GINS1: variants seen among roughly 807,000 people sequenced by gnomAD.
GINS1 encodes DNA replication complex GINS protein PSF1.
Under a neutral mutation model 34.9 loss-of-function variants are expected in GINS1, and 26 were observed. The ratio of observed to expected loss-of-function variants is 0.74; its 90% CI spans 0.55 to 1.03. The LOEUF (loss-of-function observed/expected upper bound fraction) is 1.03. Ranked by LOEUF, GINS1 falls within the 50% of genes least tolerant of loss-of-function variation. The probability of loss-of-function intolerance (pLI) is 0.00; values close to 1 mark genes in which losing one functional copy is unlikely to be tolerated. For synonymous variants in GINS1, 97 were observed against 84.4 expected, an observed-to-expected ratio of 1.15 and a Z score of -0.82; for missense variants, 235 against 237.9, an observed-to-expected ratio of 0.99 and a Z score of 0.08.
chr20:25,413,890 A>G, intron 2 of GINS1, 36 bp downstream of exon 2: 2 of 1,232,860 alleles, frequency 1.6e-6, no homozygotes, highest in South Asian at 2.4e-5. Flanking sequence ...AAACAATTCA[A>G]TAATTAAGAT....
intron 5 of GINS1, among the ~76,000 whole-genome samples, chr20:25,434,864 G>C (rs971360999): frequency 2.0e-4 from 31 of 152,186 alleles, no homozygotes; most frequent in African/African-American, 7.5e-4. Context: ...TGCATCCTCT[G>C]GAGGGATGAA....
intron 2 of GINS1, 45 bp downstream of exon 2, chr20:25,413,899 A>T (rs1037991419): frequency 8.4e-7 from 1 of 1,185,556 alleles, no homozygotes; most frequent in African/African-American, 1.5e-5. Context: ...AATAATTAAG[A>T]TGTTGAAATT....
chr20:25,438,512 C>CTTTTTTT (rs35305107), intron 5 of GINS1, among the ~76,000 whole-genome samples: 1 of 67,986 alleles, frequency 1.5e-5, no homozygotes. Context: ...AAGAACAACA[C>CTTTTTTT]TTTTTTTTTT....
Position 25,445,903 on chromosome 20 carries a change from A to G in GINS1, c.523-20A>G. 6.7e-7 allele frequency: 1 copy of G among 1,489,508 alleles called. No individual in the cohort carries two copies. The highest frequency in any genetic ancestry group is 2.3e-5 in the East Asian group (1 of 44,316). 92.3% of individuals were successfully genotyped at this position (1,489,508 alleles called of 1,614,324 possible). On this transcript the variant is annotated intron_variant, in intron 6 of 6. Transcript: ENST00000262460. The stretch of plus-strand genomic sequence containing the variant: ...CAATCATTTATTTTACTCTTTCTCC[A>G]TCCCTTCTTGTCCCCTCAGCACTTT...
chr20:25,411,421 A>G (rs1278899861), intron 1 of GINS1: 2 of 152,226 alleles, frequency 1.3e-5, no homozygotes, highest in Non-Finnish European at 2.9e-5. Flanking sequence ...TTGCCAACAC[A>G]TATATTTTGG....
chr20:25,431,904 A>T (rs6076351), intron 5 of GINS1, among the ~76,000 whole-genome samples: 1 of 149,722 alleles, frequency 6.7e-6, no homozygotes, highest in African/African-American at 2.5e-5. Context: ...GTCTCACTGT[A>T]TTTTCCAGGC....
intron 5 of GINS1, among the ~76,000 whole-genome samples, chr20:25,429,793 A>G (rs907433672): frequency 1.3e-5 from 2 of 152,230 alleles, no homozygotes; most frequent in African/African-American, 4.8e-5. Context: ...TTTTTAATTT[A>G]GAATCCTATT....
At position 25,407,727 on chromosome 20, in the gene GINS1, C is replaced by T; in HGVS notation, c.-94C>T. 1.0e-6 allele frequency: 1 copy of T among 965,322 alleles called. No individual in the cohort carries two copies. The highest frequency in any genetic ancestry group is 1.4e-5 in the South Asian group (1 of 73,460). The allele number at this position is 965,322 out of a possible 1,614,324, so 59.8% of individuals were successfully genotyped here. A position where few individuals can be genotyped will look rare whatever the true frequency, so the allele number is the denominator to read the frequency against. On this transcript the variant is annotated 5_prime_UTR_variant, in exon 1 of 7. Transcript: ENST00000262460. ...GAGGCGAGAGCCTGGCGCTGTAGGA[C>T]TAGAACGAAAGGAGTGAGGCGCCGA...
chr20:25,438,660 A>C (rs1212337333), intron 5 of GINS1, among the ~76,000 whole-genome samples: 1 of 150,680 alleles, frequency 6.6e-6, no homozygotes, highest in African/African-American at 2.4e-5. Context: ...TAAAACCTCC[A>C]CCTCCCAGGC....
intron 5 of GINS1, among the ~76,000 whole-genome samples, chr20:25,429,683 G>C (rs2090416464): frequency 6.6e-6 from 1 of 151,232 alleles, no homozygotes; most frequent in South Asian, 2.1e-4. Context: ...CTGTTACTGT[G>C]CTGAATTCAT....
chr20:25,431,156 A>C (rs1468432248), intron 5 of GINS1, among the ~76,000 whole-genome samples: 2 of 152,108 alleles, frequency 1.3e-5, no homozygotes, highest in Non-Finnish European at 2.9e-5. Flanking sequence ...TGTTTCTGGG[A>C]ATTTGTCCAT....
chr20:25,420,147 T>C (rs2146199287), intron 4 of GINS1, among the ~76,000 whole-genome samples: 1 of 152,154 alleles, frequency 6.6e-6, no homozygotes, highest in East Asian at 1.9e-4. Flanking sequence ...TATATATATT[T>C]TTTTGAGATG....
intron 1 of GINS1, chr20:25,411,010 A>G (rs1190007639): frequency 6.6e-6 from 1 of 152,074 alleles, no homozygotes; most frequent in Non-Finnish European, 1.5e-5. Flanking sequence ...ATGGTGGCTC[A>G]TGCCTGTAAT....
In GINS1 at chr20:25,417,214, A is replaced by G; in HGVS notation, c.239+12A>G. 1 of 1,394,912 alleles carries G rather than the reference A, an allele frequency of 7.2e-7. No homozygotes were observed. The allele number at this position is 1,394,912 out of a possible 1,614,324, so 86.4% of individuals were successfully genotyped here. A position where few individuals can be genotyped will look rare whatever the true frequency, so the allele number is the denominator to read the frequency against. ...ACTGTAGCATACCTGTAAGCTTCTC[A>G]GTTTTTGCTTGGGGTGGCAGGATTT... On this transcript the variant is annotated intron_variant, in intron 3 of 6. Coordinates refer to ENST00000262460, the MANE Select transcript of GINS1 (RefSeq NM_021067.5).
chr20:25,419,571 C>T (rs2090342193), intron 4 of GINS1: 3 of 511,208 alleles, frequency 5.9e-6, no homozygotes, highest in Middle Eastern at 1.0e-3. Flanking sequence ...CTTTGGGGTA[C>T]TTACTGTGTA....
At chr20:25,408,606 C>G (rs1443411306) in intron 1 of GINS1, among the ~76,000 whole-genome samples, 4 of 152,072 alleles carry the variant, frequency 2.6e-5, no homozygotes, top group Non-Finnish European at 5.9e-5. Context: ...GCCTGTAATC[C>G]CAGCACTTTG....
intron 2 of GINS1, 148 bp downstream of exon 2, chr20:25,414,002 C>G: frequency 1.8e-6 from 1 of 560,790 alleles, no homozygotes; most frequent in Non-Finnish European, 3.3e-6. Flanking sequence ...TCAGCTTGGC[C>G]AACATGGTGA....
intron 5 of GINS1, among the ~76,000 whole-genome samples, chr20:25,429,149 C>G (rs746236176): frequency 2.6e-5 from 4 of 151,860 alleles, no homozygotes; most frequent in Admixed American, 1.3e-4. Flanking sequence ...CCACCATGCC[C>G]GGCTAATTTT....
At chr20:25,414,080 C>T (rs1228665594) in intron 2 of GINS1, among the ~76,000 whole-genome samples, 1 of 149,982 alleles carries the variant, frequency 6.7e-6, no homozygotes, top group African/African-American at 2.5e-5. Context: ...ATCCCAGCTA[C>T]TCAGGAGGCT....
Sources: allele counts gnomAD v4.1 joint callset (sites outside exome capture counted in the v4.1 genomes callset), GRCh38; gene constraint gnomAD v4.1.1; transcripts MANE v1.5; gene names NCBI Gene and HGNC (gene_info 2026-07-23, HGNC 2026-07-21).